Variants in NIPBL observed in about 807,000 individuals in gnomAD.
The protein encoded by NIPBL is NIPBL cohesin loading factor.
A neutral mutation model predicts 321.8 loss-of-function variants in NIPBL; 19 were observed. That is an observed-to-expected ratio of 0.06 (90% CI 0.04 to 0.09). NIPBL has a LOEUF of 0.09. Ranked by LOEUF, NIPBL falls within the 10% of genes least tolerant of loss-of-function variation. The pLI, the probability that NIPBL is intolerant of heterozygous loss-of-function variation, is 1.00. For missense variants in NIPBL, 2,210 were observed against 3,327.0 expected (o/e 0.66, Z 8.26); for synonymous variants, 1,106 against 1,114.1 (o/e 0.99, Z 0.14).
intron 42 of NIPBL, 110 bp from the exon 43 acceptor site, chr5:37,057,072 CTCTG>C (rs1754176408): frequency 1.0e-6 from 1 of 984,896 alleles, no homozygotes; most frequent in Non-Finnish European, 1.6e-6. Flanking sequence ...GTCTGCTTAT[CTCTG>C]TCTAACATTA....
chr5:37,028,867 T>C (rs1233082813), intron 32 of NIPBL, among the ~76,000 whole-genome samples: 1 of 152,216 alleles, frequency 6.6e-6, no homozygotes, highest in Non-Finnish European at 1.5e-5. Context: ...CTTAAGTCTC[T>C]TATGTTAGTT....
chr5:37,021,328 A>G (rs1426948092), intron 27 of NIPBL, among the ~76,000 whole-genome samples: 1 of 151,882 alleles, frequency 6.6e-6, no homozygotes, highest in Non-Finnish European at 1.5e-5. Flanking sequence ...CTTGTTCTAC[A>G]TCCCTTTTAC....
chr5:36,883,377 C>CT (rs1299786637), intron 1 of NIPBL, among the ~76,000 whole-genome samples: 2 of 151,672 alleles, frequency 1.3e-5, no homozygotes, highest in African/African-American at 4.8e-5. Context: ...TATATATATA[C>CT]TTTTGCCTCT....
At chr5:36,971,267 T>A (rs568595084) in intron 7 of NIPBL, among the ~76,000 whole-genome samples, 34 of 146,684 alleles carry the variant, frequency 2.3e-4, no homozygotes, top group South Asian at 4.3e-4. Flanking sequence ...AAGAGTTATT[T>A]AAAAAAAAAA....
intron 6 of NIPBL, among the ~76,000 whole-genome samples, chr5:36,968,492 C>T (rs1742488988): frequency 6.6e-6 from 1 of 151,962 alleles, no homozygotes; most frequent in African/African-American, 2.4e-5. Flanking sequence ...TGGGGTTAGC[C>T]TGGGAGGCGG....
intron 1 of NIPBL, among the ~76,000 whole-genome samples, chr5:36,914,521 G>A (rs1303285447): frequency 6.6e-6 from 1 of 152,148 alleles, no homozygotes; most frequent in Non-Finnish European, 1.5e-5. Context: ...ATGCGCAAAA[G>A]TATTAGAGAT....
intron 1 of NIPBL, among the ~76,000 whole-genome samples, chr5:36,916,247 T>C (rs560019777): frequency 3.9e-5 from 6 of 152,356 alleles, no homozygotes; most frequent in African/African-American, 1.4e-4. Context: ...GTTTTTCTTA[T>C]TTATAAGAGG....
chr5:36,952,063 C>CGT (rs1204356651), intron 1 of NIPBL, among the ~76,000 whole-genome samples: 2 of 99,476 alleles, frequency 2.0e-5, no homozygotes, highest in East Asian at 3.6e-4. Context: ...TGCGCGCGCG[C>CGT]GCGCGCGCGC....
chr5:36,960,949 T>G (rs1561081654), intron 4 of NIPBL, among the ~76,000 whole-genome samples: 4 of 152,170 alleles, frequency 2.6e-5, no homozygotes, highest in Non-Finnish European at 4.4e-5. Flanking sequence ...ATAGGTACAT[T>G]CTGTTTTGCT....
chr5:37,046,295 G>A (rs1350931955), intron 38 of NIPBL, 96 bp downstream of exon 38: 4 of 756,672 alleles, frequency 5.3e-6, no homozygotes, highest in Non-Finnish European at 9.4e-6. Flanking sequence ...ACTTTAATAT[G>A]TTTCTATTAG....
At chr5:36,999,872 G>C (rs1226446657) in intron 11 of NIPBL, among the ~76,000 whole-genome samples, 1 of 152,132 alleles carries the variant, frequency 6.6e-6, no homozygotes, top group Non-Finnish European at 1.5e-5. Flanking sequence ...TGAGTTGTGG[G>C]TTTAACTTAG....
chr5:36,947,689 T>G (rs1005316725), intron 1 of NIPBL, among the ~76,000 whole-genome samples: 2 of 152,002 alleles, frequency 1.3e-5, no homozygotes, highest in Non-Finnish European at 2.9e-5. Flanking sequence ...ACTAATTTTT[T>G]TATTTTATCA....
intron 1 of NIPBL, among the ~76,000 whole-genome samples, chr5:36,940,661 A>G (rs1405601577): frequency 2.6e-5 from 4 of 152,094 alleles, no homozygotes; most frequent in Non-Finnish European, 5.9e-5. Flanking sequence ...TGTTTTTCAT[A>G]TAAAAAACAG....
In NIPBL at chr5:37,016,115, A is replaced by G. The variant is rs1748956437; in HGVS notation, c.4721A>G (p.Asn1574Ser). 2.5e-6 allele frequency: 4 copies of G among 1,613,870 alleles called. No homozygotes were observed. Among genetic ancestry groups the G allele is most frequent in the Non-Finnish European group, 3.4e-6 (4 of 1,179,932 alleles). ...NFVQDLLSTV[N>S]KPEWPAAELL... is the part of the protein sequence containing the mutation. ...GTTCAAGACCTTCTTTCAACAGTCAATAAGCCTGAATGGCCAGCTGCTGAA... is the reference window on the plus strand; with the variant it reads ...GTTCAAGACCTTCTTTCAACAGTCAGTAAGCCTGAATGGCCAGCTGCTGAA... Residue 1574 changes from asparagine (N) to serine (S), a missense_variant, in exon 23 of 47, where the codon AAT (asparagine) becomes AGT (serine). By Grantham distance (46) the Asn-to-Ser change is conservative (BLOSUM62 1). Coordinates refer to ENST00000282516, the MANE Select transcript of NIPBL (RefSeq NM_133433.4).
intron 1 of NIPBL, among the ~76,000 whole-genome samples, chr5:36,888,486 T>C (rs1746082292): frequency 6.6e-6 from 1 of 152,136 alleles, no homozygotes; most frequent in African/African-American, 2.4e-5. Flanking sequence ...ATAAGGAAAG[T>C]TAAAGGAAGG....
At position 36,893,699 on chromosome 5, in the gene NIPBL, G is replaced by A. The variant is rs1258109292; in HGVS notation, c.-80+16521G>A. Among the ~76,000 whole-genome samples, 3 of 151,570 alleles carry A rather than the reference G, an allele frequency of 2.0e-5. No homozygotes were observed. In the East Asian group the frequency reaches 5.8e-4, roughly 29 times the overall value. ...TACCTAAAAGATCTCTCTCTTTTTT[G>A]TATTCTATAAAAACATCATCTGTGA... is the stretch of plus-strand genomic sequence containing the variant. On this transcript the variant is annotated intron_variant, in intron 1 of 46. Coordinates refer to ENST00000282516, the MANE Select transcript of NIPBL (RefSeq NM_133433.4).
At chr5:36,928,361 A>G (rs1749521852) in intron 1 of NIPBL, among the ~76,000 whole-genome samples, 3 of 152,234 alleles carry the variant, frequency 2.0e-5, no homozygotes, top group Non-Finnish European at 4.4e-5. Context: ...GTTAGAGCTA[A>G]TTAATACAAC....
intron 30 of NIPBL, among the ~76,000 whole-genome samples, chr5:37,025,873 A>G (rs1174607356): frequency 6.6e-6 from 1 of 152,098 alleles, no homozygotes; most frequent in African/African-American, 2.4e-5. Flanking sequence ...AATAATATGT[A>G]TAATTGTCCC....
intron 1 of NIPBL, among the ~76,000 whole-genome samples, chr5:36,935,134 G>A (rs1750062152): frequency 6.6e-6 from 1 of 151,958 alleles, no homozygotes; most frequent in African/African-American, 2.4e-5. Context: ...CAGCTAAGTG[G>A]GACTGGAAAA....
Sources: allele counts gnomAD v4.1 joint callset (sites outside exome capture counted in the v4.1 genomes callset), GRCh38; gene constraint gnomAD v4.1.1; transcripts MANE v1.5; gene names NCBI Gene and HGNC (gene_info 2026-07-23, HGNC 2026-07-21).